The following UTP18 variants were observed in gnomAD, a reference collection of about 807,000 sequenced individuals.
UTP18 encodes the protein U3 small nucleolar RNA-associated protein 18 homolog.
UTP18 carries 36 observed loss-of-function variants against 61.1 expected under a neutral mutation model. The observed-to-expected ratio is 0.59, with a 90% CI of 0.45 to 0.78. The LOEUF (loss-of-function observed/expected upper bound fraction) is 0.78. Ranked by LOEUF, UTP18 falls within the 30% of genes least tolerant of loss-of-function variation. The pLI is 0.00. For synonymous variants in UTP18, 282 were observed against 251.1 expected (o/e 1.12, Z -1.16); for missense variants, 753 against 693.9 (o/e 1.09, Z -0.96).
At chr17:51,285,802 T>A (rs898515154) in intron 10 of UTP18, among the ~76,000 whole-genome samples, 7 of 152,234 alleles carry the variant, frequency 4.6e-5, no homozygotes, top group Non-Finnish European at 1.0e-4. Flanking sequence ...CACACAGGGT[T>A]CAGTAATCCA....
At chr17:51,278,999 T>C (rs969304982) in intron 7 of UTP18, among the ~76,000 whole-genome samples, 1 of 152,196 alleles carries the variant, frequency 6.6e-6, no homozygotes. Context: ...GAAAGTAGCC[T>C]TAATTTGTAT....
chr17:51,284,240 G>A (rs1905037948), intron 9 of UTP18, among the ~76,000 whole-genome samples: 1 of 152,166 alleles, frequency 6.6e-6, no homozygotes, highest in South Asian at 2.1e-4. Flanking sequence ...ATATGGAAGG[G>A]TGAACTTTAG....
intron 1 of UTP18, among the ~76,000 whole-genome samples, chr17:51,261,265 C>G: frequency 6.6e-6 from 1 of 152,216 alleles, no homozygotes; most frequent in East Asian, 1.9e-4. Context: ...GATCACCTGC[C>G]TCAGTTCCTT....
chr17:51,263,226 C>A, intron 1 of UTP18, 48 bp from the exon 2 acceptor site: 4 of 1,532,898 alleles, frequency 2.6e-6, no homozygotes, highest in South Asian at 2.3e-5. Context: ...TGTCTGCAGT[C>A]ATGGGATAGG....
chr17:51,278,186 C>T (rs1386418793), intron 7 of UTP18, among the ~76,000 whole-genome samples: 1 of 152,132 alleles, frequency 6.6e-6, no homozygotes, highest in African/African-American at 2.4e-5. Flanking sequence ...TACCCTAAGG[C>T]AGAGCTTCTC....
chr17:51,268,746 A>C, intron 3 of UTP18, 91 bp from the exon 4 acceptor site: 1 of 999,566 alleles, frequency 1.0e-6, no homozygotes, highest in East Asian at 2.6e-5. Flanking sequence ...CGTATTCTCA[A>C]GGGTGATTCA....
intron 9 of UTP18, 62 bp downstream of exon 9, chr17:51,280,541 C>A: frequency 6.6e-7 from 1 of 1,516,258 alleles, no homozygotes; most frequent in Non-Finnish European, 9.1e-7. Flanking sequence ...AGGCCAGGCG[C>A]GGTGGCTCAC....
At chr17:51,261,171 A>T (rs1018641882) in intron 1 of UTP18, among the ~76,000 whole-genome samples, 16 of 152,228 alleles carry the variant, frequency 1.1e-4, no homozygotes, top group African/African-American at 2.7e-4. Flanking sequence ...CTGCTCGGGT[A>T]TCTGCTTTGC....
intron 2 of UTP18, among the ~76,000 whole-genome samples, chr17:51,265,620 G>T (rs2055553339): frequency 8.0e-6 from 1 of 125,248 alleles, no homozygotes; most frequent in Non-Finnish European, 1.6e-5. Flanking sequence ...CTGGAGTACA[G>T]TGCCACAATC....
At chr17:51,289,448 C>T (rs1283738528) in intron 11 of UTP18, among the ~76,000 whole-genome samples, 3 of 151,232 alleles carry the variant, frequency 2.0e-5, no homozygotes, top group East Asian at 3.9e-4. Context: ...ACCTCATGGT[C>T]CACCTGCCTC....
Position 51,260,752 on chromosome 17 carries a change from G to C in UTP18, c.168G>C (p.Ala56=). The change falls in exon 1 of 14, where the codon GCG becomes GCC. Residue 56 remains alanine, a synonymous_variant. Transcript: ENST00000225298. ...GGAAACCGCCGGCCCGGCCGAGCGC[G>C]GCGGCCGCTGCGATTGCAGTCGCGG... The part of the protein sequence containing the change: ...SQRKPPARPS[A]AAAAIAVAAA... 1.3e-6 allele frequency: 2 copies of C among 1,581,974 alleles called. No individual in the cohort carries two copies. The highest frequency in any genetic ancestry group is 2.3e-5 in the South Asian group (2 of 88,076).
intron 4 of UTP18, among the ~76,000 whole-genome samples, chr17:51,270,681 A>G (rs1046527271): frequency 5.9e-5 from 9 of 152,164 alleles, no homozygotes; most frequent in African/African-American, 1.7e-4. Context: ...TTATAGGAGG[A>G]GAAAGAGGGG....
intron 2 of UTP18, among the ~76,000 whole-genome samples, chr17:51,263,696 C>G (rs1281174754): frequency 6.6e-6 from 1 of 152,118 alleles, no homozygotes; most frequent in Non-Finnish European, 1.5e-5. Flanking sequence ...CAGTTTGGAA[C>G]CTACATTTTT....
intron 7 of UTP18, 23 bp downstream of exon 7, chr17:51,277,327 A>T: frequency 6.2e-7 from 1 of 1,610,574 alleles, no homozygotes; most frequent in Non-Finnish European, 8.5e-7. Context: ...TTGAATGCAC[A>T]CAACCAGTCA....
rs1427398148 is a variant in UTP18, at chr17:51,260,902, G to C, written c.318G>C (p.Leu106Phe). 1.3e-6 allele frequency: 2 copies of C among 1,593,324 alleles called. No homozygotes were observed. Among genetic ancestry groups the C allele is most frequent in the East Asian group, 2.3e-5 (1 of 43,282 alleles). ...FGDVENDEDA[L>F]LRRLRGPRVQ... is the part of the protein sequence containing the mutation. ...ACGTCGAGAACGACGAGGACGCGTTGCTGCGGCGTCTGCGAGGCCCGAGGG... is the reference window on the plus strand; with the variant it reads ...ACGTCGAGAACGACGAGGACGCGTTCCTGCGGCGTCTGCGAGGCCCGAGGG... The change falls in exon 1 of 14, where the codon TTG (leucine) becomes TTC (phenylalanine). Residue 106 changes from leucine to phenylalanine, a missense_variant. Leu to Phe is a conservative substitution (Grantham distance 22, BLOSUM62 0). Coordinates refer to ENST00000225298, the MANE Select transcript of UTP18 (RefSeq NM_016001.3).
In UTP18 at chr17:51,297,817, T is replaced by G; in HGVS notation, c.*50T>G. The G allele has an allele frequency of 2.6e-6, 1 of 387,330 alleles. No individual in the cohort carries two copies. Among genetic ancestry groups the G allele is most frequent in the South Asian group, 2.0e-5 (1 of 51,276 alleles). 24.0% of individuals were successfully genotyped at this position (387,330 alleles called of 1,614,324 possible). On this transcript the variant is annotated 3_prime_UTR_variant, in exon 14 of 14. Coordinates refer to ENST00000225298, the MANE Select transcript of UTP18 (RefSeq NM_016001.3). ...GTCACAAGAGAAGCCTGTCTTGATA[T>G]ATCATCTCAGAAACTTTCCTGAATA...
chr17:51,297,171 T>G (rs1297274523), intron 13 of UTP18, among the ~76,000 whole-genome samples, 168 bp downstream of exon 13: 1 of 152,170 alleles, frequency 6.6e-6, no homozygotes, highest in Non-Finnish European at 1.5e-5. Flanking sequence ...TAGCTGAAGT[T>G]GGACCCTCCT....
intron 5 of UTP18, 94 bp from the exon 6 acceptor site, chr17:51,275,772 T>C: frequency 8.4e-7 from 1 of 1,190,598 alleles, no homozygotes; most frequent in Non-Finnish European, 1.1e-6. Context: ...ATTTTTTTCC[T>C]TCATTATAAA....
At position 51,294,061 on chromosome 17, in the gene UTP18, G is replaced by C; in HGVS notation, c.1646+16G>C. 6.4e-7 allele frequency: 1 copy of C among 1,550,686 alleles called. No individual in the cohort carries two copies. Among genetic ancestry groups the C allele is most frequent in the Non-Finnish European group, 8.7e-7 (1 of 1,154,662 alleles). ...TGATGTATAGGTAGGTATTATTTAT[G>C]TTTAAAAGTCAGAGATACCTATAAA... On this transcript the variant is annotated intron_variant, in intron 12 of 13. Transcript: ENST00000225298.
Sources: allele counts gnomAD v4.1 joint callset (sites outside exome capture counted in the v4.1 genomes callset), GRCh38; gene constraint gnomAD v4.1.1; transcripts MANE v1.5; gene names NCBI Gene and HGNC (gene_info 2026-07-23, HGNC 2026-07-21).